Variants in CCSER1 observed in about 807,000 individuals in gnomAD.
CCSER1 encodes coiled-coil serine rich protein 1.
In CCSER1, 41 loss-of-function variants were observed where a neutral mutation model predicts 82.0. That is an observed-to-expected ratio of 0.50 (90% CI 0.39 to 0.65). CCSER1 has a LOEUF of 0.65. CCSER1 is among the 30% of genes least tolerant of loss of function. The pLI, the probability that CCSER1 is intolerant of heterozygous loss-of-function variation, is 0.00. For missense variants in CCSER1, 1,119 were observed against 1,064.2 expected (o/e 1.05, Z -0.72); for synonymous variants, 414 against 383.9 (o/e 1.08, Z -0.92).
intron 5 of CCSER1, among the ~76,000 whole-genome samples, chr4:90,551,698 C>CTATA (rs1224770860): frequency 1.7e-5 from 2 of 118,510 alleles, no homozygotes; most frequent in African/African-American, 4.1e-5. Flanking sequence ...CTCTCTCTCT[C>CTATA]TCTCTCTCTA....
intron 7 of CCSER1, among the ~76,000 whole-genome samples, chr4:90,806,428 T>C (rs1229180632): frequency 6.6e-6 from 1 of 152,138 alleles, no homozygotes; most frequent in East Asian, 1.9e-4. Context: ...TATAGGGAAA[T>C]GTTCCATTTT....
At chr4:90,310,969 C>A (rs1425236076) in intron 2 of CCSER1, among the ~76,000 whole-genome samples, 1 of 151,940 alleles carries the variant, frequency 6.6e-6, no homozygotes, top group Non-Finnish European at 1.5e-5. Flanking sequence ...TCATATATGC[C>A]TAGCTCCTTT....
intron 8 of CCSER1, among the ~76,000 whole-genome samples, chr4:90,847,217 T>C (rs2149906162): frequency 6.6e-6 from 1 of 152,338 alleles, no homozygotes; most frequent in Middle Eastern, 3.4e-3. Flanking sequence ...TAAACCATTA[T>C]ACTTTTCTGG....
chr4:90,441,206 G>A (rs995984526), intron 4 of CCSER1, among the ~76,000 whole-genome samples: 1 of 151,980 alleles, frequency 6.6e-6, no homozygotes, highest in Non-Finnish European at 1.5e-5. Context: ...CTGAATACTT[G>A]GAATTTTCCT....
In CCSER1 at chr4:91,522,587, A is replaced by G. The variant is rs906199024; in HGVS notation, c.2218-75985A>G. Among the ~76,000 whole-genome samples the G allele has an allele frequency of 9.2e-5, 14 of 152,274 alleles. 1 individual carries two copies. Among genetic ancestry groups the G allele is most frequent in the African/African-American group, 2.9e-4 (12 of 41,552 alleles). On this transcript the variant is annotated intron_variant, in intron 10 of 10. Coordinates refer to ENST00000509176, the MANE Select transcript of CCSER1 (RefSeq NM_001145065.2). Reference sequence around the variant, plus strand: ...GCAGTTTTCCTTGAAGAAGTCCTTCACATACCTTGTAAGTTGGATTCCTAG... The same window carrying G: ...GCAGTTTTCCTTGAAGAAGTCCTTCGCATACCTTGTAAGTTGGATTCCTAG...
chr4:90,523,515 A>G (rs1203078349), intron 5 of CCSER1, among the ~76,000 whole-genome samples: 2 of 152,316 alleles, frequency 1.3e-5, no homozygotes, highest in African/African-American at 4.8e-5. Flanking sequence ...TGTACTACAT[A>G]AGCACAAATG....
chr4:90,712,736 C>T (rs1263596349), intron 6 of CCSER1, among the ~76,000 whole-genome samples: 2 of 151,036 alleles, frequency 1.3e-5, no homozygotes, highest in Non-Finnish European at 3.0e-5. Flanking sequence ...GTTATTGGGG[C>T]ATTAAAGTCT....
At chr4:90,146,374 A>G (rs1725811025) in intron 1 of CCSER1, among the ~76,000 whole-genome samples, 1 of 152,084 alleles carries the variant, frequency 6.6e-6, no homozygotes, top group Admixed American at 6.6e-5. Flanking sequence ...TTTAAATTTA[A>G]CAAATGTAAA....
chr4:90,851,548 C>T lies in CCSER1; in HGVS notation c.2094+35703C>T, dbSNP rs543268762. Among the ~76,000 whole-genome samples, 62 of 150,932 alleles carry T rather than the reference C, an allele frequency of 4.1e-4. 2 individuals carry two copies. The highest frequency in any genetic ancestry group is 3.8e-3 in the Admixed American group (57 of 15,154). Reference sequence around the variant, plus strand: ...GCCCTTGGAGACTATGCACTTGAACCACATTTTATTGGCTACTTATAGAGC... The same window carrying T: ...GCCCTTGGAGACTATGCACTTGAACTACATTTTATTGGCTACTTATAGAGC... On this transcript the variant is annotated intron_variant, in intron 8 of 10. Transcript: ENST00000509176.
At chr4:91,015,281 G>A (rs1208330904) in intron 9 of CCSER1, 1 of 151,964 alleles carries the variant, frequency 6.6e-6, no homozygotes, top group African/African-American at 2.4e-5. Context: ...TATCAAAAAA[G>A]TAATACATAA....
At chr4:90,821,386 C>T (rs1405839493) in intron 8 of CCSER1, among the ~76,000 whole-genome samples, 6 of 151,934 alleles carry the variant, frequency 3.9e-5, no homozygotes, top group African/African-American at 1.5e-4. Flanking sequence ...AGAATATTAG[C>T]TAATTGAGGG....
intron 9 of CCSER1, among the ~76,000 whole-genome samples, chr4:90,962,018 C>G (rs1366433534): frequency 6.6e-6 from 1 of 152,046 alleles, no homozygotes; most frequent in Non-Finnish European, 1.5e-5. Context: ...CCCCATTGAG[C>G]ACTTTTTCTA....
At chr4:91,019,094 T>C (rs1739692425) in intron 9 of CCSER1, among the ~76,000 whole-genome samples, 1 of 152,104 alleles carries the variant, frequency 6.6e-6, no homozygotes, top group East Asian at 1.9e-4. Context: ...TGAATTCAAA[T>C]ATAATAAGAT....
intron 9 of CCSER1, among the ~76,000 whole-genome samples, chr4:90,947,828 A>G (rs1364286608): frequency 1.3e-5 from 2 of 152,146 alleles, no homozygotes; most frequent in African/African-American, 2.4e-5. Context: ...CCTGTTCCCA[A>G]ACAATATGCT....
intron 10 of CCSER1, among the ~76,000 whole-genome samples, chr4:91,212,933 CT>C (rs960654119): frequency 2.6e-5 from 4 of 152,034 alleles, no homozygotes; most frequent in African/African-American, 7.2e-5. Flanking sequence ...TTGTTGCTAT[CT>C]TTATGTCCAT....
intron 9 of CCSER1, among the ~76,000 whole-genome samples, chr4:91,037,249 CACACACACAT>C (rs1447173892): frequency 1.0e-4 from 14 of 135,304 alleles, no homozygotes; most frequent in Non-Finnish European, 1.8e-4. Context: ...CACACACACA[CACACACACAT>C]ACATACACAC....
chr4:90,727,763 A>G (rs868743917), intron 7 of CCSER1, among the ~76,000 whole-genome samples: 22 of 152,302 alleles, frequency 1.4e-4, no homozygotes, highest in Middle Eastern at 3.4e-3. Flanking sequence ...ATCATGAGCC[A>G]TGTTCTTTTT....
rs10555507 is a variant in CCSER1, at chr4:91,005,390, TACACAC to T, written c.2173-80538_2173-80533del. Among the ~76,000 whole-genome samples, 54 of 149,248 alleles carry T rather than the reference TACACAC, an allele frequency of 3.6e-4. No homozygotes were observed. The East Asian group carries it at 3.8e-3, about 10-fold the overall frequency. ...TGTTTTATATATCATGAAGTAATTT[TACACAC>T]ACACACACACACACACACACAGAGA... On this transcript the variant is annotated intron_variant, in intron 9 of 10. Transcript: ENST00000509176.
At chr4:91,073,051 T>C (rs1426372110) in intron 9 of CCSER1, among the ~76,000 whole-genome samples, 1 of 152,074 alleles carries the variant, frequency 6.6e-6, no homozygotes, top group Non-Finnish European at 1.5e-5. Context: ...ATGACATATA[T>C]TCTTTTTTTA....
Sources: gnomAD v4.1 joint callset for allele counts (sites outside exome capture counted in the v4.1 genomes callset) on GRCh38, gnomAD v4.1.1 for gene constraint, MANE v1.5 for transcripts, NCBI Gene and HGNC (gene_info 2026-07-23, HGNC 2026-07-21) for gene names.